Variants in ADPGK observed in about 807,000 individuals in gnomAD.
ADPGK encodes ADP-dependent glucokinase.
Under a neutral mutation model 42.4 loss-of-function variants are expected in ADPGK, and 26 were observed. That is an observed-to-expected ratio of 0.61 (90% confidence interval 0.45 to 0.85). The LOEUF is 0.85. Among genes scored for constraint, ADPGK ranks in the 40% least tolerant of loss-of-function variants. The pLI is 0.00. For missense variants in ADPGK, 571 were observed against 627.0 expected, an observed-to-expected ratio of 0.91 and a Z score of 0.95; for synonymous variants, 267 against 252.6, an observed-to-expected ratio of 1.06 and a Z score of -0.54.
chr15:72,778,771 A>G (rs2066420309), intron 1 of ADPGK, among the ~76,000 whole-genome samples: 1 of 152,200 alleles, frequency 6.6e-6, no homozygotes, highest in Admixed American at 6.5e-5. Context: ...AGCTAATCGT[A>G]ATTGTTAAGA....
intron 2 of ADPGK, among the ~76,000 whole-genome samples, chr15:72,773,398 C>T (rs78649314): frequency 0.072 from 10,947 of 152,058 alleles, 561 homozygotes; most frequent in Non-Finnish European, 0.11. Context: ...TATTCAACCA[C>T]GATAGTTAGA....
At chr15:72,769,486 C>T (rs1566957630) in intron 3 of ADPGK, among the ~76,000 whole-genome samples, 1 of 152,194 alleles carries the variant, frequency 6.6e-6, no homozygotes, top group Non-Finnish European at 1.5e-5. Context: ...GTTGGGACTA[C>T]AAGCGCCTGC....
chr15:72,760,616 G>T (rs931171386), intron 3 of ADPGK, 89 bp from the exon 4 acceptor site: 10 of 1,399,574 alleles, frequency 7.1e-6, no homozygotes, highest in Non-Finnish European at 9.4e-6. Context: ...CATTCAGGCT[G>T]ATTCTAATCA....
intron 4 of ADPGK, among the ~76,000 whole-genome samples, chr15:72,759,127 G>A (rs1421780188): frequency 1.3e-5 from 2 of 152,140 alleles, no homozygotes; most frequent in African/African-American, 2.4e-5. Flanking sequence ...TAGTAGAGAC[G>A]GGGTTTCACC....
intron 3 of ADPGK, among the ~76,000 whole-genome samples, chr15:72,761,767 T>C (rs1466250547): frequency 6.6e-6 from 1 of 151,346 alleles, no homozygotes; most frequent in African/African-American, 2.4e-5. Flanking sequence ...GGTGCAATCA[T>C]AGCTCACCAC....
chr15:72,752,468 T>C lies in ADPGK; in HGVS notation c.1367A>G (p.His456Arg). 2 of 1,614,216 alleles carry C rather than the reference T, an allele frequency of 1.2e-6. No individual in the cohort carries two copies. Among genetic ancestry groups the C allele is most frequent in the Non-Finnish European group, 1.7e-6 (2 of 1,180,032 alleles). Residue 456 changes from histidine to arginine, a missense_variant, in exon 7 of 7, where the codon CAC (histidine) becomes CGC (arginine). Physicochemically the swap from His to Arg is conservative, Grantham distance 29. Transcript: ENST00000456471. ...LNPNKPVVEW[H>R]REGISFHFTP... ...GAAGTGGAAGGATATTCCCTCTCTG[T>C]GCCATTCTACTACTGGCTTGTTTGG... is the stretch of plus-strand genomic sequence containing the variant.
chr15:72,758,990 G>C (rs2066153714), intron 4 of ADPGK, among the ~76,000 whole-genome samples: 2 of 152,166 alleles, frequency 1.3e-5, no homozygotes, highest in South Asian at 4.1e-4. Context: ...CCAGACTGGA[G>C]TGCAGTGGTG....
Position 72,756,235 on chromosome 15 carries a change from G to C in ADPGK, c.840+16C>G. On this transcript the variant is annotated intron_variant, in intron 5 of 6. Transcript: ENST00000456471. ...CACCAGCTGAGATCTGTGAAATTCT[G>C]TAACAGTGCCATTACCTCCAAGAGT... 3 of 1,613,436 alleles carry C rather than the reference G, an allele frequency of 1.9e-6. No individual in the cohort carries two copies. The highest frequency in any genetic ancestry group is 2.2e-5 in the East Asian group (1 of 44,874).
intron 2 of ADPGK, among the ~76,000 whole-genome samples, chr15:72,773,091 A>G (rs2066348521): frequency 6.6e-6 from 1 of 151,910 alleles, no homozygotes; most frequent in Admixed American, 6.6e-5. Context: ...AAATACACTA[A>G]CAATAACGAC....
chr15:72,755,529 G>A (rs929574377), intron 6 of ADPGK, 27 bp downstream of exon 6: 2 of 1,567,426 alleles, frequency 1.3e-6, no homozygotes, highest in East Asian at 2.2e-5. Flanking sequence ...TGAGGATCAG[G>A]GCCAAACGAT....
chr15:72,770,031 T>C (rs531401106), intron 3 of ADPGK, among the ~76,000 whole-genome samples: 2 of 152,350 alleles, frequency 1.3e-5, no homozygotes, highest in East Asian at 3.9e-4. Flanking sequence ...TAGTTCTTAA[T>C]CTCTGTAGTT....
At position 72,781,396 on chromosome 15, in the gene ADPGK, C is replaced by T. The variant is rs116909478; in HGVS notation, c.233+2063G>A. 3.0e-3 allele frequency among the ~76,000 whole-genome samples: 457 copies of T among 152,314 alleles called. 18 individuals carry two copies. The highest frequency in any genetic ancestry group is 0.023 in the Admixed American group (350 of 15,304). ...TAGGATTCTCGCTCCAAAACAAGGC[C>T]GACCTGTTCCCAAACAAACCATGTA... On this transcript the variant is annotated intron_variant, in intron 1 of 6. Transcript: ENST00000456471.
In ADPGK at chr15:72,752,837, G is replaced by T; in HGVS notation, c.998C>A (p.Thr333Asn). The T allele has an allele frequency of 6.2e-7, 1 of 1,614,214 alleles. No homozygotes were observed. The highest frequency in any genetic ancestry group is 8.5e-7 in the Non-Finnish European group (1 of 1,180,036). Residue 333 changes from threonine (T) to asparagine (N), a missense_variant, in exon 7 of 7, where the codon ACC becomes AAC. Physicochemically the swap from Thr to Asn is moderately conservative, Grantham distance 65 (BLOSUM62 0). Coordinates refer to ENST00000456471, the MANE Select transcript of ADPGK (RefSeq NM_001365225.1). ...AGAGTGAGGTCCAGAGGCTGACTGG[G>T]TGAGAAATAACAGCTCCTGTTCATT... is the stretch of plus-strand genomic sequence containing the variant. The part of the protein sequence containing the change: ...GLNEQELLFL[T>N]QSASGPHSSL...
intron 1 of ADPGK, among the ~76,000 whole-genome samples, chr15:72,779,244 GTTTTTT>G (rs35321622): frequency 1.9e-5 from 2 of 107,226 alleles, no homozygotes; most frequent in African/African-American, 3.7e-5. Context: ...TAGCATGAGG[GTTTTTT>G]TTTTTTTTTT....
chr15:72,752,258 G>A lies in ADPGK; in HGVS notation c.*83C>T, dbSNP rs2066054315. ...AGTTTAATCTGCTTTTATTTCTTTGGCTGTCTTCCAAACCACTTTCTTCCT... is the reference window on the plus strand; with the variant it reads ...AGTTTAATCTGCTTTTATTTCTTTGACTGTCTTCCAAACCACTTTCTTCCT... On this transcript the variant is annotated 3_prime_UTR_variant, in exon 7 of 7. Coordinates refer to ENST00000456471, the MANE Select transcript of ADPGK (RefSeq NM_001365225.1). 16 of 1,329,120 alleles carry A rather than the reference G, an allele frequency of 1.2e-5. No individual in the cohort carries two copies. The highest frequency in any genetic ancestry group is 1.5e-5 in the Non-Finnish European group (15 of 981,024). 82.3% of individuals were successfully genotyped at this position (1,329,120 alleles called of 1,614,324 possible).
chr15:72,774,637 G>A (rs111874601), intron 2 of ADPGK, among the ~76,000 whole-genome samples: 1 of 152,160 alleles, frequency 6.6e-6, no homozygotes, highest in African/African-American at 2.4e-5. Flanking sequence ...CACATCTACT[G>A]AATCTGAACT....
chr15:72,755,191 T>C (rs2066095788), intron 6 of ADPGK, among the ~76,000 whole-genome samples: 1 of 152,246 alleles, frequency 6.6e-6, no homozygotes, highest in African/African-American at 2.4e-5. Flanking sequence ...AACACCCAGA[T>C]GCCTGAGGAA....
At chr15:72,764,683 G>A (rs1175484611) in intron 3 of ADPGK, among the ~76,000 whole-genome samples, 1 of 152,220 alleles carries the variant, frequency 6.6e-6, no homozygotes, top group Non-Finnish European at 1.5e-5. Flanking sequence ...CCTTCTGTTG[G>A]AGGGTAATGC....
At chr15:72,782,679 A>T (rs2066478732) in intron 1 of ADPGK, among the ~76,000 whole-genome samples, 2 of 152,204 alleles carry the variant, frequency 1.3e-5, no homozygotes, top group African/African-American at 4.8e-5. Context: ...AACACTCCAC[A>T]GAAAGTAGTG....
Sources: allele counts gnomAD v4.1 joint callset (sites outside exome capture counted in the v4.1 genomes callset), GRCh38; gene constraint gnomAD v4.1.1; transcripts MANE v1.5; gene names NCBI Gene and HGNC (gene_info 2026-07-23, HGNC 2026-07-21).